ZNF277: variants seen among roughly 807,000 people sequenced by gnomAD.
The protein encoded by ZNF277 is zinc finger protein 277, also known as nuclear receptor-interacting factor 4.
In ZNF277, 55 loss-of-function variants were observed where a neutral mutation model predicts 60.7. The ratio of observed to expected loss-of-function variants is 0.91; its 90% CI spans 0.73 to 1.13. The LOEUF is 1.13. ZNF277 is among the 50% of genes most tolerant of loss of function. The pLI, the probability that ZNF277 is intolerant of heterozygous loss-of-function variation, is 0.00. For synonymous variants in ZNF277, 178 were observed against 179.3 expected, an observed-to-expected ratio of 0.99 and a Z score of 0.06; for missense variants, 510 against 523.0, an observed-to-expected ratio of 0.98 and a Z score of 0.24.
At chr7:112,214,969 A>G (rs1275336049) in intron 1 of ZNF277, among the ~76,000 whole-genome samples, 4 of 152,146 alleles carry the variant, frequency 2.6e-5, no homozygotes, top group Non-Finnish European at 4.4e-5. Context: ...GGAAAAAAAA[A>G]ATGATGTTGA....
chr7:112,288,055 A>C (rs1045479040), intron 2 of ZNF277: 1 of 152,176 alleles, frequency 6.6e-6, no homozygotes, highest in Non-Finnish European at 1.5e-5. Flanking sequence ...TCCTTCCAGT[A>C]ATTCCAGAAT....
At position 112,226,116 on chromosome 7, in the gene ZNF277, G is replaced by A. The variant is rs560098313; in HGVS notation, c.91+19309G>A. Among the ~76,000 whole-genome samples the A allele has an allele frequency of 7.2e-5, 11 of 152,256 alleles. No homozygotes were observed. In the East Asian group the frequency reaches 1.7e-3, roughly 24 times the overall value. On this transcript the variant is annotated intron_variant, in intron 1 of 11. Transcript: ENST00000361822. ...TTTAATTTGGGAAATGCTAATCAGA[G>A]TTATCTCCCCCTTATTTATTAAGAA...
At chr7:112,334,925 G>A (rs1217548475) in intron 7 of ZNF277, among the ~76,000 whole-genome samples, 1 of 152,070 alleles carries the variant, frequency 6.6e-6, no homozygotes, top group Non-Finnish European at 1.5e-5. Context: ...ACTTCATGAT[G>A]ACTCTGGGAA....
intron 9 of ZNF277, 86 bp from the exon 10 acceptor site, chr7:112,339,757 A>G: frequency 5.1e-6 from 7 of 1,364,548 alleles, no homozygotes; most frequent in Non-Finnish European, 7.2e-6. Context: ...TAAACTACTC[A>G]AACTCCTGTG....
At chr7:112,316,332 A>G (rs1792843463) in intron 4 of ZNF277, among the ~76,000 whole-genome samples, 1 of 151,846 alleles carries the variant, frequency 6.6e-6, no homozygotes, top group Non-Finnish European at 1.5e-5. Context: ...GGTTTTTTTC[A>G]TATATTTCTT....
At chr7:112,332,421 A>G (rs1011699438) in intron 7 of ZNF277, among the ~76,000 whole-genome samples, 1 of 152,178 alleles carries the variant, frequency 6.6e-6, no homozygotes, top group African/African-American at 2.4e-5. Context: ...TATCCTGTGC[A>G]TCAGTTTCCT....
At chr7:112,243,412 A>T (rs1005170147) in intron 1 of ZNF277, among the ~76,000 whole-genome samples, 1 of 151,946 alleles carries the variant, frequency 6.6e-6, no homozygotes, top group Non-Finnish European at 1.5e-5. Flanking sequence ...AATAGGAGAA[A>T]ATACTTGCAA....
chr7:112,296,004 T>A (rs187981633), intron 3 of ZNF277, 47 bp downstream of exon 3: 1 of 1,378,834 alleles, frequency 7.3e-7, no homozygotes, highest in South Asian at 1.2e-5. Context: ...GTATAAAAAT[T>A]CAAAGGAATA....
intron 1 of ZNF277, among the ~76,000 whole-genome samples, chr7:112,234,605 G>A (rs534615936): frequency 1.6e-4 from 25 of 152,024 alleles, no homozygotes; most frequent in African/African-American, 3.4e-4. Context: ...TTCATTATTC[G>A]TAACAGTACT....
intron 1 of ZNF277, among the ~76,000 whole-genome samples, chr7:112,228,562 TATTA>T (rs768767655): frequency 2.0e-5 from 3 of 149,564 alleles, no homozygotes; most frequent in Non-Finnish European, 4.4e-5. Flanking sequence ...TTCCCATAAA[TATTA>T]AACTCCTCCT....
intron 1 of ZNF277, among the ~76,000 whole-genome samples, chr7:112,240,397 T>A (rs1007470028): frequency 7.9e-5 from 12 of 152,246 alleles, no homozygotes; most frequent in African/African-American, 2.4e-4. Context: ...AATTGTACAT[T>A]TTAAAATAAC....
chr7:112,274,506 A>T (rs1013043737), intron 1 of ZNF277, among the ~76,000 whole-genome samples: 1 of 152,194 alleles, frequency 6.6e-6, no homozygotes, highest in Non-Finnish European at 1.5e-5. Flanking sequence ...TCTGTTCCAT[A>T]AAAACAAAAC....
intron 4 of ZNF277, among the ~76,000 whole-genome samples, chr7:112,309,237 C>G (rs1273280783): frequency 2.0e-5 from 3 of 151,914 alleles, no homozygotes; most frequent in African/African-American, 4.8e-5. Context: ...TCTCCTGAAG[C>G]CTGTGCCTCT....
chr7:112,320,380 T>C (rs566051712), intron 5 of ZNF277, among the ~76,000 whole-genome samples: 1 of 152,236 alleles, frequency 6.6e-6, no homozygotes, highest in African/African-American at 2.4e-5. Context: ...AAACGTCCCC[T>C]TTCATTCATC....
chr7:112,260,097 T>G (rs1272556167), intron 1 of ZNF277, among the ~76,000 whole-genome samples: 1 of 151,988 alleles, frequency 6.6e-6, no homozygotes, highest in Non-Finnish European at 1.5e-5. Flanking sequence ...CAAAACCCCG[T>G]CTCTACTAAA....
In ZNF277 at chr7:112,206,751, G is replaced by A; in HGVS notation, c.35G>A (p.Arg12Gln). 6.2e-7 allele frequency: 1 copy of A among 1,613,180 alleles called. No homozygotes were observed. Among genetic ancestry groups the A allele is most frequent in the Middle Eastern group, 1.7e-4 (1 of 6,056 alleles). Reference sequence around the variant, plus strand: ...TCCAAGACCCAGGGGGCTGTCGCCCGAATGCAGGAAGACCGTGATGGGAGC... The same window carrying A: ...TCCAAGACCCAGGGGGCTGTCGCCCAAATGCAGGAAGACCGTGATGGGAGC... ...AASKTQGAVA[R>Q]MQEDRDGSCS... Residue 12 changes from arginine (R) to glutamine (Q), a missense_variant, in exon 1 of 12, where the codon CGA becomes CAA. Transcript: ENST00000361822.
chr7:112,242,557 C>CAAAAAAAAAAAAAAAAAA (rs34058145), intron 1 of ZNF277, among the ~76,000 whole-genome samples: 1 of 99,494 alleles, frequency 1.0e-5, no homozygotes, highest in Admixed American at 1.1e-4. Flanking sequence ...TAATAGCTAC[C>CAAAAAAAAAAAAAAAAAA]AAAAAAAAAA....
At chr7:112,244,665 A>G (rs1182875962) in intron 1 of ZNF277, among the ~76,000 whole-genome samples, 1 of 152,114 alleles carries the variant, frequency 6.6e-6, no homozygotes, top group East Asian at 1.9e-4. Context: ...TCATATACAT[A>G]TATAGTTTTC....
intron 1 of ZNF277, among the ~76,000 whole-genome samples, chr7:112,269,183 A>G (rs539424262): frequency 6.8e-6 from 1 of 146,966 alleles, no homozygotes; most frequent in South Asian, 2.2e-4. Flanking sequence ...TATCAAATTA[A>G]ATTTTAAAAT....
Sources: allele counts gnomAD v4.1 joint callset (sites outside exome capture counted in the v4.1 genomes callset), GRCh38; gene constraint gnomAD v4.1.1; transcripts MANE v1.5; gene names NCBI Gene and HGNC (gene_info 2026-07-23, HGNC 2026-07-21).